Variants in PCDHGB1 observed in about 807,000 individuals in gnomAD.
PCDHGB1 encodes protocadherin gamma-B1.
Under a neutral mutation model 56.6 loss-of-function variants are expected in PCDHGB1, and 34 were observed. The observed-to-expected ratio is 0.60, with a 90% CI of 0.46 to 0.80. The LOEUF is 0.80. PCDHGB1 is among the 30% of genes least tolerant of loss of function. The pLI, the probability that PCDHGB1 is intolerant of heterozygous loss-of-function variation, is 0.00. For missense variants in PCDHGB1, 1,278 were observed against 1,204.6 expected, an observed-to-expected ratio of 1.06 and a Z score of -0.90; for synonymous variants, 561 against 505.9, an observed-to-expected ratio of 1.11 and a Z score of -1.46.
At chr5:141,418,802 T>C in intron 1 of PCDHGB1, 1 of 1,613,862 alleles carries the variant, frequency 6.2e-7, no homozygotes, top group Non-Finnish European at 8.5e-7. Flanking sequence ...AGTAGAAAGA[T>C]ATACGATAAA....
chr5:141,444,594 T>C (rs2098442338), intron 1 of PCDHGB1, among the ~76,000 whole-genome samples: 1 of 152,244 alleles, frequency 6.6e-6, no homozygotes, highest in South Asian at 2.1e-4. Flanking sequence ...ACTTACCTTA[T>C]TTAAAATTGA....
chr5:141,389,749 G>C (rs1361443182), intron 1 of PCDHGB1: 1 of 1,612,740 alleles, frequency 6.2e-7, no homozygotes, highest in South Asian at 1.1e-5. Context: ...CTGCGCACGG[G>C]CGAAGTGCGC....
At chr5:141,462,893 G>A (rs577241413) in intron 1 of PCDHGB1, among the ~76,000 whole-genome samples, 68 of 152,170 alleles carry the variant, frequency 4.5e-4, no homozygotes, top group African/African-American at 1.4e-3. Context: ...AGTTTGTTTT[G>A]GAAGGCTATT....
chr5:141,394,276 C>T, intron 1 of PCDHGB1: 2 of 1,613,976 alleles, frequency 1.2e-6, no homozygotes, highest in South Asian at 1.1e-5. Flanking sequence ...GCCCAGGTCA[C>T]TTACTCTGTG....
At chr5:141,396,656 G>A (rs6580187) in intron 1 of PCDHGB1, 27,943 of 151,880 alleles carry the variant, frequency 0.18, 3,100 homozygotes, top group African/African-American at 0.31. Flanking sequence ...GTAAAAACTC[G>A]GTATAGGCTA....
intron 1 of PCDHGB1, chr5:141,399,787 A>C (rs111395890): frequency 0.048 from 76,979 of 1,613,184 alleles, 1,998 homozygotes; most frequent in South Asian, 0.077. Flanking sequence ...CCGAAACGAC[A>C]ACGCACCGCG....
intron 1 of PCDHGB1, chr5:141,410,815 T>C: frequency 1.8e-6 from 1 of 553,722 alleles, no homozygotes; most frequent in Non-Finnish European, 2.9e-6. Context: ...TTTTGTAAAA[T>C]AATGTCACCA....
Position 141,458,000 on chromosome 5 carries a change from A to G in PCDHGB1, c.2410-36807A>G, listed in dbSNP as rs1047291886. ...CACCCTTTCAGTTAAAGCCTTGGCA[A>G]AATAACCGGTTTTTCCAATTGTGTT... On this transcript the variant is annotated intron_variant, in intron 1 of 3. Coordinates refer to ENST00000523390, the MANE Select transcript of PCDHGB1 (RefSeq NM_018922.3). Among the ~76,000 whole-genome samples, 4 of 152,214 alleles carry G rather than the reference A, an allele frequency of 2.6e-5. No homozygotes were observed. In the East Asian group the frequency reaches 5.8e-4, roughly 22 times the overall value.
chr5:141,382,040 G>T, intron 1 of PCDHGB1, among the ~76,000 whole-genome samples: 1 of 151,758 alleles, frequency 6.6e-6, no homozygotes, highest in Admixed American at 6.6e-5. Flanking sequence ...TGTTGGTCAG[G>T]CTGGTCTCAA....
chr5:141,375,736 T>C (rs1771819108), intron 1 of PCDHGB1: 2 of 1,614,242 alleles, frequency 1.2e-6, no homozygotes, highest in East Asian at 2.2e-5. Flanking sequence ...TGAGCCTGTT[T>C]GTGCTGGACC....
At position 141,372,874 on chromosome 5, in the gene PCDHGB1, A is replaced by T; in HGVS notation, c.2409+20205A>T. The T allele has an allele frequency of 4.6e-6, 6 of 1,314,500 alleles. No individual in the cohort carries two copies. The East Asian group carries it at 1.2e-4, about 27-fold the overall frequency. 81.4% of individuals were successfully genotyped at this position (1,314,500 alleles called of 1,614,324 possible). A position where few individuals can be genotyped will look rare whatever the true frequency, so the allele number is the denominator to read the frequency against. On this transcript the variant is annotated intron_variant, in intron 1 of 3. Transcript: ENST00000523390. ...GGTTTCAATTCATTGATTTAGAGAT[A>T]AAAAGAATACAGATTAAATATTCCC... is the stretch of plus-strand genomic sequence containing the variant.
In PCDHGB1 at chr5:141,351,552, G is replaced by A; in HGVS notation, c.1292G>A (p.Arg431Lys). 2 of 1,614,026 alleles carry A rather than the reference G, an allele frequency of 1.2e-6. No homozygotes were observed. Among genetic ancestry groups the A allele is most frequent in the Non-Finnish European group, 1.7e-6 (2 of 1,179,896 alleles). Residue 431 changes from arginine (R) to lysine (K), a missense_variant, in exon 1 of 4, where the codon AGG (arginine) becomes AAG (lysine). Arg to Lys is a conservative substitution (Grantham distance 26). Transcript: ENST00000523390. ...AAGGGCAAACCAGCCCTTTCCTCCA[G>A]GACAAGCATCACCCTGCACATCTCC... ...TDKGKPALSS[R>K]TSITLHISDI...
At chr5:141,479,391 T>G (rs2099494461) in intron 1 of PCDHGB1, 1 of 152,266 alleles carries the variant, frequency 6.6e-6, no homozygotes, top group Non-Finnish European at 1.5e-5. Flanking sequence ...AGCCCAGGAG[T>G]TCTGGGCTGT....
Position 141,421,313 on chromosome 5 carries a change from C to T in PCDHGB1, c.2409+68644C>T, listed in dbSNP as rs201429116. 461 of 1,613,716 alleles carry T rather than the reference C, an allele frequency of 2.9e-4. No homozygotes were observed. Among genetic ancestry groups the T allele is most frequent in the Non-Finnish European group, 3.7e-4 (436 of 1,179,850 alleles). On this transcript the variant is annotated intron_variant, in intron 1 of 3. Coordinates refer to ENST00000523390, the MANE Select transcript of PCDHGB1 (RefSeq NM_018922.3). ...CTGGGGACGCTGCGGGGGTTCCGGGCCAGGCAGATCCGATATTCGGTGCCA... is the reference window on the plus strand; with the variant it reads ...CTGGGGACGCTGCGGGGGTTCCGGGTCAGGCAGATCCGATATTCGGTGCCA...
Position 141,364,517 on chromosome 5 carries a change from G to A in PCDHGB1, c.2409+11848G>A, listed in dbSNP as rs1264187226. Reference sequence around the variant, plus strand: ...GGAGCCCCAGGAGCTGGCGGAGCGCGGAGTCCGCATCGTCTCCAGAGGTAG... The same window carrying A: ...GGAGCCCCAGGAGCTGGCGGAGCGCAGAGTCCGCATCGTCTCCAGAGGTAG... On this transcript the variant is annotated intron_variant, in intron 1 of 3. Transcript: ENST00000523390. 10 of 1,613,912 alleles carry A rather than the reference G, an allele frequency of 6.2e-6. No homozygotes were observed. Among genetic ancestry groups the A allele is most frequent in the Non-Finnish European group, 7.6e-6 (9 of 1,179,914 alleles).
chr5:141,386,566 T>C (rs577943993), intron 1 of PCDHGB1, among the ~76,000 whole-genome samples: 30 of 152,200 alleles, frequency 2.0e-4, no homozygotes, highest in African/African-American at 7.2e-4. Flanking sequence ...TTGCACATGA[T>C]AGACTCTGTA....
intron 1 of PCDHGB1, chr5:141,370,869 G>C: frequency 6.2e-7 from 1 of 1,614,036 alleles, no homozygotes. Context: ...ATCTGCGCAA[G>C]ATCCTGATGT....
intron 1 of PCDHGB1, among the ~76,000 whole-genome samples, chr5:141,492,356 G>A (rs2099739649): frequency 6.6e-6 from 1 of 152,198 alleles, no homozygotes; most frequent in Non-Finnish European, 1.5e-5. Context: ...ACTGCCACTC[G>A]CTCGCGGCCA....
intron 1 of PCDHGB1, among the ~76,000 whole-genome samples, chr5:141,406,188 T>C (rs1313997032): frequency 6.6e-6 from 1 of 151,612 alleles, no homozygotes; most frequent in African/African-American, 2.4e-5. Flanking sequence ...TCCTCCCACC[T>C]CAGCCTTCAC....
Sources: allele counts gnomAD v4.1 joint callset (sites outside exome capture counted in the v4.1 genomes callset), GRCh38; gene constraint gnomAD v4.1.1; transcripts MANE v1.5; gene names NCBI Gene and HGNC (gene_info 2026-07-23, HGNC 2026-07-21).